Variants in COX7B2 observed in about 807,000 individuals in gnomAD.
The protein encoded by COX7B2 is cytochrome c oxidase subunit 7B2.
For missense variants in COX7B2, 109 were observed against 95.9 expected, an observed-to-expected ratio of 1.14 and a Z score of -0.57; for synonymous variants, 37 against 32.1, an observed-to-expected ratio of 1.15 and a Z score of -0.51.
At chr4:46,836,565 G>A (rs1715529358) in intron 2 of COX7B2, among the ~76,000 whole-genome samples, 1 of 151,512 alleles carries the variant, frequency 6.6e-6, no homozygotes, top group Non-Finnish European at 1.5e-5. Flanking sequence ...GGAATGACCT[G>A]CCTGAGGCTG....
At chr4:46,763,048 TATA>T (rs1426510808) in intron 2 of COX7B2, among the ~76,000 whole-genome samples, 24 of 133,980 alleles carry the variant, frequency 1.8e-4, no homozygotes, top group African/African-American at 3.4e-4. Flanking sequence ...TATTATATAT[TATA>T]ATATGTAATA....
intron 1 of COX7B2, among the ~76,000 whole-genome samples, chr4:46,869,001 G>A (rs571391863): frequency 2.0e-5 from 3 of 152,286 alleles, no homozygotes; most frequent in African/African-American, 7.2e-5. Context: ...CTATGTGGGA[G>A]TCTATGTCTC....
At chr4:46,894,704 C>A (rs889037918) in intron 1 of COX7B2, among the ~76,000 whole-genome samples, 1 of 152,098 alleles carries the variant, frequency 6.6e-6, no homozygotes, top group Admixed American at 6.6e-5. Flanking sequence ...CACAGACAAC[C>A]TACAGAATGG....
intron 2 of COX7B2, among the ~76,000 whole-genome samples, chr4:46,834,399 G>A (rs1715372992): frequency 6.6e-6 from 1 of 152,022 alleles, no homozygotes; most frequent in Non-Finnish European, 1.5e-5. Flanking sequence ...AACTAAACTA[G>A]TATAGTGCTA....
At chr4:46,741,952 C>T (rs1298216277) in intron 2 of COX7B2, among the ~76,000 whole-genome samples, 1 of 152,006 alleles carries the variant, frequency 6.6e-6, no homozygotes, top group African/African-American at 2.4e-5. Context: ...AGGTACTATC[C>T]AGCTCTAACA....
chr4:46,880,759 C>T (rs543152394), intron 1 of COX7B2, among the ~76,000 whole-genome samples: 1 of 146,724 alleles, frequency 6.8e-6, no homozygotes, highest in East Asian at 2.0e-4. Context: ...AACCAAACAC[C>T]GCATATTCTC....
Position 46,871,310 on chromosome 4 carries a change from C to A in COX7B2, c.-104-26296G>T, listed in dbSNP as rs544220886. ...CCATCTGCAGAAGATTGAAGCTGCA[C>A]CCCTTTCTTACACCATATACAAAAA... On this transcript the variant is annotated intron_variant, in intron 1 of 2. Transcript: ENST00000355591. 1.6e-4 allele frequency among the ~76,000 whole-genome samples: 25 copies of A among 152,244 alleles called. No homozygotes were observed. In the South Asian group the frequency reaches 5.0e-3, roughly 30 times the overall value.
At chr4:46,756,889 G>A (rs1405623780) in intron 2 of COX7B2, among the ~76,000 whole-genome samples, 1 of 151,942 alleles carries the variant, frequency 6.6e-6, no homozygotes, top group African/African-American at 2.4e-5. Flanking sequence ...ATTTCTCAAT[G>A]AACTAAAAAT....
intron 1 of COX7B2, among the ~76,000 whole-genome samples, chr4:46,858,170 T>C (rs1275718083): frequency 6.6e-6 from 1 of 152,170 alleles, no homozygotes; most frequent in Admixed American, 6.5e-5. Flanking sequence ...CTCGGCTTAC[T>C]GCAATCTCCA....
intron 2 of COX7B2, among the ~76,000 whole-genome samples, chr4:46,837,738 C>A (rs1479018057): frequency 4.6e-5 from 7 of 151,918 alleles, no homozygotes; most frequent in Non-Finnish European, 8.8e-5. Context: ...AAACTAATAG[C>A]AATTAAATAT....
intron 2 of COX7B2, among the ~76,000 whole-genome samples, chr4:46,806,949 T>C (rs1484482085): frequency 6.6e-6 from 1 of 152,056 alleles, no homozygotes; most frequent in Non-Finnish European, 1.5e-5. Context: ...TTCCATATCT[T>C]GGCTGCTGTA....
intron 2 of COX7B2, among the ~76,000 whole-genome samples, chr4:46,762,398 C>T (rs1716231592): frequency 7.6e-6 from 1 of 131,444 alleles, no homozygotes; most frequent in South Asian, 2.3e-4. Flanking sequence ...TATATATTTA[C>T]AATATATAAT....
intron 1 of COX7B2, among the ~76,000 whole-genome samples, chr4:46,903,157 AT>A (rs1424336484): frequency 6.6e-6 from 1 of 152,226 alleles, no homozygotes; most frequent in Non-Finnish European, 1.5e-5. Flanking sequence ...GGAAATTCAA[AT>A]AAAAAACCAT....
intron 1 of COX7B2, among the ~76,000 whole-genome samples, chr4:46,861,858 C>T (rs1309540254): frequency 6.6e-6 from 1 of 152,164 alleles, no homozygotes; most frequent in Non-Finnish European, 1.5e-5. Context: ...TCCTCCGTCC[C>T]ATGATTCTGA....
intron 2 of COX7B2, among the ~76,000 whole-genome samples, chr4:46,775,100 T>TCTA (rs1180593772): frequency 6.6e-6 from 1 of 152,102 alleles, no homozygotes; most frequent in Non-Finnish European, 1.5e-5. Context: ...ACATTGTAAG[T>TCTA]GATACTGCTT....
chr4:46,755,443 A>G (rs1715728805), intron 2 of COX7B2, among the ~76,000 whole-genome samples: 1 of 152,084 alleles, frequency 6.6e-6, no homozygotes, highest in Admixed American at 6.6e-5. Context: ...GTTATTCAAC[A>G]TGGCACTAGA....
At chr4:46,826,698 A>G (rs562370997) in intron 2 of COX7B2, among the ~76,000 whole-genome samples, 1 of 152,308 alleles carries the variant, frequency 6.6e-6, no homozygotes, top group South Asian at 2.1e-4. Context: ...GAATGAGATC[A>G]TGTTTTTTGT....
chr4:46,817,775 A>C (rs1331109493), intron 2 of COX7B2, among the ~76,000 whole-genome samples: 4 of 152,196 alleles, frequency 2.6e-5, no homozygotes, highest in Admixed American at 2.6e-4. Flanking sequence ...AGCTGAAAGA[A>C]GGGCAGGTTC....
At chr4:46,777,274 G>A (rs1182592395) in intron 2 of COX7B2, among the ~76,000 whole-genome samples, 2 of 152,062 alleles carry the variant, frequency 1.3e-5, no homozygotes, top group Admixed American at 1.3e-4. Context: ...AAAATAAATG[G>A]AAGAGTGATT....
Sources: allele counts gnomAD v4.1 joint callset (sites outside exome capture counted in the v4.1 genomes callset), GRCh38; gene constraint gnomAD v4.1.1; transcripts MANE v1.5; gene names NCBI Gene and HGNC (gene_info 2026-07-23, HGNC 2026-07-21).